The following ZNF425 variants were observed in gnomAD, a reference collection of about 807,000 sequenced individuals.
ZNF425 encodes zinc finger protein 425.
ZNF425 carries 21 observed loss-of-function variants against 17.0 expected under a neutral mutation model. That is an observed-to-expected ratio of 1.23 (90% CI 0.88 to 1.78). The LOEUF (loss-of-function observed/expected upper bound fraction) is 1.78. Ranked by LOEUF, ZNF425 falls within the 40% of genes most tolerant of loss-of-function variation. The pLI, the probability that ZNF425 is intolerant of heterozygous loss-of-function variation, is 0.00. For synonymous variants in ZNF425, 433 were observed against 384.1 expected, an observed-to-expected ratio of 1.13 and a Z score of -1.49; for missense variants, 868 against 967.3, an observed-to-expected ratio of 0.90 and a Z score of 1.36.
chr7:149,108,800 G>A (rs558781473), intron 3 of ZNF425, among the ~76,000 whole-genome samples: 1 of 152,222 alleles, frequency 6.6e-6, no homozygotes, highest in South Asian at 2.1e-4. Context: ...GCTGAGGCAG[G>A]GGAATCGTTT....
rs536118452 is a variant in ZNF425 at position 149,114,440 on chromosome 7, T to C, written c.146-2145A>G. On this transcript the variant is annotated intron_variant, in intron 2 of 3. Transcript: ENST00000378061. Reference sequence around the variant, plus strand: ...CACCAGGCTGGAGTGCAGGGCACAGTCTGGCTGGAGTGCAGTGGCACAGAG... The same window carrying C: ...CACCAGGCTGGAGTGCAGGGCACAGCCTGGCTGGAGTGCAGTGGCACAGAG... Among the ~76,000 whole-genome samples the C allele has an allele frequency of 4.2e-5, 6 of 142,864 alleles. No individual in the cohort carries two copies. The South Asian group carries it at 1.4e-3, about 33-fold the overall frequency. 93.7% of individuals were successfully genotyped at this position (142,864 alleles called of 152,430 possible).
intron 2 of ZNF425, among the ~76,000 whole-genome samples, chr7:149,116,034 A>G (rs1443578534): frequency 6.6e-5 from 10 of 152,148 alleles, no homozygotes; most frequent in African/African-American, 2.2e-4. Context: ...TAATTGTGAT[A>G]CCTCACAACA....
At chr7:149,117,148 C>G (rs1157847597) in intron 2 of ZNF425, among the ~76,000 whole-genome samples, 2 of 151,654 alleles carry the variant, frequency 1.3e-5, no homozygotes, top group Non-Finnish European at 2.9e-5. Context: ...CCTGTAGTCT[C>G]AGCTACTTGG....
intron 1 of ZNF425, among the ~76,000 whole-genome samples, chr7:149,122,077 G>A (rs969727632): frequency 4.1e-5 from 6 of 147,026 alleles, no homozygotes; most frequent in African/African-American, 1.3e-4. Context: ...CACCACCGCC[G>A]GCTTTTTTTT....
Position 149,126,321 on chromosome 7 carries a change from G to A in ZNF425, c.-108C>T. On this transcript the variant is annotated 5_prime_UTR_variant, in exon 1 of 4. Transcript: ENST00000378061. ...GGCCCCCAAAGGCAGAGCCGGCCGG[G>A]CGCGGTGCATGCTGGGACTCGGCGC... 2.7e-6 allele frequency: 4 copies of A among 1,479,518 alleles called. No homozygotes were observed. Among genetic ancestry groups the A allele is most frequent in the Non-Finnish European group, 3.6e-6 (4 of 1,113,376 alleles). The allele number at this position is 1,479,518 out of a possible 1,614,324, so 91.6% of individuals were successfully genotyped here. A position where few individuals can be genotyped will look rare whatever the true frequency, so the allele number is the denominator to read the frequency against.
At chr7:149,121,925 T>A (rs988437263) in intron 1 of ZNF425, among the ~76,000 whole-genome samples, 2 of 5,394 alleles carry the variant, frequency 3.7e-4, no homozygotes, top group Non-Finnish European at 5.4e-4. Flanking sequence ...GTTTTCTTTG[T>A]TTTTTTTTGA....
At chr7:149,114,523 G>C (rs1410841325) in intron 2 of ZNF425, among the ~76,000 whole-genome samples, 1 of 151,838 alleles carries the variant, frequency 6.6e-6, no homozygotes, top group Non-Finnish European at 1.5e-5. Context: ...TCAGCCTCCT[G>C]AGTTGCTGGG....
At chr7:149,111,590 T>TAAAAAAAAAAAAAAAAAAA (rs60783786) in intron 3 of ZNF425, among the ~76,000 whole-genome samples, 6 of 54,388 alleles carry the variant, frequency 1.1e-4, no homozygotes, top group African/African-American at 2.6e-4. Context: ...AGACTCTGTC[T>TAAAAAAAAAAAAAAAAAAA]AAAAAAAAAA....
chr7:149,105,355 A>G lies in ZNF425; in HGVS notation c.516T>C (p.His172=), dbSNP rs776285916. 1 of 1,613,500 alleles carries G rather than the reference A, an allele frequency of 6.2e-7. No homozygotes were observed. Among genetic ancestry groups the G allele is most frequent in the African/African-American group, 1.3e-5 (1 of 74,860 alleles). The stretch of plus-strand genomic sequence containing the variant: ...AGCGCCCTGGGGTCTCCCGAGGCTT[A>G]TGCCGCAGGTCTTTCTTGTCTGGAT... ...AYDPDKKDLR[H]KPRETPGRLE... is the part of the protein sequence containing the mutation. Residue 172 remains histidine, a synonymous_variant, in exon 4 of 4, where the codon CAT becomes CAC. Coordinates refer to ENST00000378061, the MANE Select transcript of ZNF425 (RefSeq NM_001001661.3).
At chr7:149,123,717 A>C (rs1267044417) in intron 1 of ZNF425, among the ~76,000 whole-genome samples, 7 of 151,078 alleles carry the variant, frequency 4.6e-5, no homozygotes, top group African/African-American at 7.3e-5. Context: ...TTTTTAGTAG[A>C]GACCGGGTTT....
At position 149,104,963 on chromosome 7, in the gene ZNF425, C is replaced by T; in HGVS notation, c.908G>A (p.Cys303Tyr). 6.2e-7 allele frequency: 1 copy of T among 1,614,116 alleles called. No homozygotes were observed. ...GAAGGCCCGGCCGCACTCCCCGCAG[C>T]AGAACGGCCGCTCCCCGCGGTGTAG... ...LCLHRGERPF[C>Y]CGECGRAFVQ... The change falls in exon 4 of 4, where the codon TGC (cysteine) becomes TAC (tyrosine). Residue 303 changes from cysteine (C) to tyrosine (Y), a missense_variant. Cys to Tyr is a radical substitution (Grantham distance 194). Around this residue, in one of 5 missense-constraint regions of ZNF425, gnomAD observed 243 missense variants for 265.2 expected, o/e 0.92. Transcript: ENST00000378061. This position sits in a 1 kb window ranked among gnomAD's most constrained non-coding sequence, Gnocchi z 4.3.
At chr7:149,105,693 C>A in intron 3 of ZNF425, 127 bp from the exon 4 acceptor site, 1 of 578,486 alleles carries the variant, frequency 1.7e-6, no homozygotes, top group Non-Finnish European at 2.4e-6. Context: ...CTCTGTTGTC[C>A]AGGCTGGATT....
chr7:149,115,946 G>T (rs1826260240), intron 2 of ZNF425, among the ~76,000 whole-genome samples: 1 of 152,196 alleles, frequency 6.6e-6, no homozygotes, highest in Admixed American at 6.6e-5. Context: ...GTTCTATACG[G>T]AAAATCATTG....
intron 2 of ZNF425, chr7:149,113,551 AT>A (rs774215848): frequency 0.15 from 19,239 of 129,144 alleles, 1,525 homozygotes; most frequent in African/African-American, 0.26. Context: ...ATTCCTACAA[AT>A]TTTTTTTTTT....
intron 3 of ZNF425, among the ~76,000 whole-genome samples, chr7:149,111,766 G>A (rs949981554): frequency 1.3e-5 from 2 of 150,998 alleles, no homozygotes; most frequent in African/African-American, 4.9e-5. Context: ...CACAACCTCC[G>A]CCTCCCACGT....
chr7:149,118,196 A>C (rs373491518), intron 2 of ZNF425, 26 bp downstream of exon 2: 5 of 1,613,686 alleles, frequency 3.1e-6, no homozygotes, highest in African/African-American at 1.3e-5. Context: ...GTTCCTAAAA[A>C]GTGATTCCTT....
At chr7:149,111,267 GGC>G (rs971532497) in intron 3 of ZNF425, among the ~76,000 whole-genome samples, 1 of 150,810 alleles carries the variant, frequency 6.6e-6, no homozygotes, top group African/African-American at 2.4e-5. Flanking sequence ...TGGCCAATAT[GGC>G]GAAACACTGT....
At chr7:149,108,817 G>A (rs1400840972) in intron 3 of ZNF425, among the ~76,000 whole-genome samples, 5 of 152,054 alleles carry the variant, frequency 3.3e-5, no homozygotes, top group African/African-American at 7.2e-5. Flanking sequence ...GTTTGAATCC[G>A]GGAGGTGGAA....
At chr7:149,118,053 G>A (rs1826295014) in intron 2 of ZNF425, among the ~76,000 whole-genome samples, 169 bp downstream of exon 2, 1 of 152,018 alleles carries the variant, frequency 6.6e-6, no homozygotes, top group African/African-American at 2.4e-5. Context: ...GATACCACTG[G>A]ATAAAAAGGA....
Sources: gnomAD v4.1 joint callset for allele counts (sites outside exome capture counted in the v4.1 genomes callset) on GRCh38, gnomAD v4.1.1 for gene constraint, gnomAD v4.1.1 regional missense constraint, Gnocchi (gnomAD v3.1) non-coding constraint, MANE v1.5 for transcripts, NCBI Gene and HGNC (gene_info 2026-07-23, HGNC 2026-07-21) for gene names.